The following DOCK3 variants were observed in gnomAD, a reference collection of about 807,000 sequenced individuals.
DOCK3 encodes dedicator of cytokinesis protein 3.
DOCK3 carries 60 observed loss-of-function variants against 265.6 expected under a neutral mutation model. That is an observed-to-expected ratio of 0.23 (90% CI 0.18 to 0.28). The LOEUF is 0.28. DOCK3 is among the 10% of genes least tolerant of loss of function. The pLI, the probability that DOCK3 is intolerant of heterozygous loss-of-function variation, is 1.00. For synonymous variants in DOCK3, 881 were observed against 938.0 expected (o/e 0.94, Z 1.11); for missense variants, 1,981 against 2,594.3 (o/e 0.76, Z 5.14).
chr3:51,028,784 A>G (rs1398851863), intron 5 of DOCK3, among the ~76,000 whole-genome samples: 1 of 152,052 alleles, frequency 6.6e-6, no homozygotes, highest in East Asian at 1.9e-4. Context: ...TTCTTTTTTT[A>G]ATATAGCTAT....
chr3:50,863,306 G>C (rs1342770331), intron 3 of DOCK3: 3 of 468,402 alleles, frequency 6.4e-6, no homozygotes, highest in Non-Finnish European at 1.3e-5. Context: ...GGCATGGTCT[G>C]TCTCAGTTCA....
In DOCK3 at chr3:51,168,979, GA is replaced by G. The variant is rs1295582654; in HGVS notation, c.1037+8284del. ...ACATACATGTGGCCAACAAGCATAT[GA>G]AAAAAAGCTAAACATCACTGATCAT... On this transcript the variant is annotated intron_variant, in intron 12 of 52. Coordinates refer to ENST00000266037, the MANE Select transcript of DOCK3 (RefSeq NM_004947.5). Among the ~76,000 whole-genome samples the G allele has an allele frequency of 7.3e-5, 11 of 151,378 alleles. No homozygotes were observed. The East Asian group carries it at 1.4e-3, about 19-fold the overall frequency.
chr3:51,034,202 A>C (rs1032228718), intron 5 of DOCK3, among the ~76,000 whole-genome samples: 5 of 152,124 alleles, frequency 3.3e-5, no homozygotes, highest in African/African-American at 4.8e-5. Context: ...TATAGGTGGC[A>C]TTTAAGTGCC....
rs1469498897 is a variant in DOCK3, at chr3:51,315,094, A to G, written c.3368A>G (p.Asp1123Gly). ...ATTCCCATCTTTCATGACATGATGG[A>G]CTGGGAGCAGAGAAAAAATGGCAAC... ...IMIPIFHDMM[D>G]WEQRKNGNFK... Residue 1123 changes from aspartate to glycine, a missense_variant, in exon 32 of 53, where the codon GAC (aspartate) becomes GGC (glycine). This residue lies in a region of DOCK3 where 1,357 missense variants were observed against 1,866.8 expected (regional missense o/e 0.73). Coordinates refer to ENST00000266037, the MANE Select transcript of DOCK3 (RefSeq NM_004947.5). The G allele has an allele frequency of 2.5e-6, 4 of 1,611,434 alleles. No individual in the cohort carries two copies. Among genetic ancestry groups the G allele is most frequent in the Non-Finnish European group, 3.4e-6 (4 of 1,178,412 alleles).
intron 5 of DOCK3, among the ~76,000 whole-genome samples, chr3:50,996,765 G>A (rs747461417): frequency 2.0e-5 from 3 of 152,084 alleles, no homozygotes; most frequent in Admixed American, 6.5e-5. Flanking sequence ...TACAACAGGA[G>A]CCATGAGCTT....
At chr3:51,125,511 C>A (rs2084226635) in intron 9 of DOCK3, among the ~76,000 whole-genome samples, 1 of 152,146 alleles carries the variant, frequency 6.6e-6, no homozygotes, top group Admixed American at 6.6e-5. Context: ...AAGTCTGTGA[C>A]AAGCTCTGTC....
intron 10 of DOCK3, among the ~76,000 whole-genome samples, chr3:51,154,289 A>G (rs181958828): frequency 3.9e-5 from 6 of 152,344 alleles, no homozygotes; most frequent in Admixed American, 6.5e-5. Flanking sequence ...TATGTTGTCC[A>G]TCTTTGAGCT....
chr3:51,131,193 C>T (rs1576183019), intron 9 of DOCK3, among the ~76,000 whole-genome samples: 1 of 152,224 alleles, frequency 6.6e-6, no homozygotes, highest in East Asian at 1.9e-4. Context: ...CAGGCTCAGT[C>T]AGATGACCCA....
At position 50,816,260 on chromosome 3, in the gene DOCK3, AT is replaced by A. The variant is rs910532867; in HGVS notation, c.122-25406del. On this transcript the variant is annotated intron_variant, in intron 2 of 52. Coordinates refer to ENST00000266037, the MANE Select transcript of DOCK3 (RefSeq NM_004947.5). ...GAAACTAATGTTTTTCCATTCTCAG[AT>A]TTTTTTTTCATTGTTTTTAGGATTA... is the stretch of plus-strand genomic sequence containing the variant. Among the ~76,000 whole-genome samples, 143 of 131,916 alleles carry A rather than the reference AT, an allele frequency of 1.1e-3. 1 individual carries two copies. The highest frequency in any genetic ancestry group is 2.0e-3 in the Non-Finnish European group (122 of 61,092). 86.5% of individuals were successfully genotyped at this position (131,916 alleles called of 152,430 possible). A position where few individuals can be genotyped will look rare whatever the true frequency, so the allele number is the denominator to read the frequency against.
intron 3 of DOCK3, among the ~76,000 whole-genome samples, chr3:50,851,910 C>G (rs868309394): frequency 2.0e-5 from 3 of 152,212 alleles, no homozygotes; most frequent in African/African-American, 7.2e-5. Context: ...GGATTAAAAA[C>G]GACATTCTGC....
At chr3:50,872,394 G>GTC (rs904483069) in intron 3 of DOCK3, among the ~76,000 whole-genome samples, 27 of 152,200 alleles carry the variant, frequency 1.8e-4, no homozygotes, top group Non-Finnish European at 2.9e-5. Context: ...CAAACAAGCA[G>GTC]TCTCTCTCTC....
chr3:50,882,874 C>A (rs999932581), intron 3 of DOCK3, among the ~76,000 whole-genome samples: 4 of 152,162 alleles, frequency 2.6e-5, no homozygotes, highest in African/African-American at 9.7e-5. Context: ...ACCCAAATGT[C>A]CATCAATGAT....
intron 49 of DOCK3, among the ~76,000 whole-genome samples, chr3:51,372,722 G>C (rs570828378): frequency 3.3e-5 from 5 of 152,284 alleles, no homozygotes; most frequent in Non-Finnish European, 5.9e-5. Context: ...TGTGTTTTCC[G>C]GTGCATACTG....
At chr3:51,147,405 A>C (rs1003217592) in intron 10 of DOCK3, among the ~76,000 whole-genome samples, 2 of 152,152 alleles carry the variant, frequency 1.3e-5, no homozygotes, top group Non-Finnish European at 2.9e-5. Context: ...GGTTTGTTAC[A>C]TAGGTATACA....
chr3:50,992,330 C>G (rs766965204), intron 5 of DOCK3, among the ~76,000 whole-genome samples: 1 of 152,172 alleles, frequency 6.6e-6, no homozygotes, highest in Non-Finnish European at 1.5e-5. Flanking sequence ...TGGAGTCTGT[C>G]TTTGTCACTC....
At chr3:50,734,296 C>T (rs954851959) in intron 1 of DOCK3, among the ~76,000 whole-genome samples, 1 of 152,106 alleles carries the variant, frequency 6.6e-6, no homozygotes, top group Non-Finnish European at 1.5e-5. Flanking sequence ...ATCACTTGAT[C>T]CCAGGAGTTC....
At chr3:50,954,991 A>AT (rs1033976259) in intron 5 of DOCK3, among the ~76,000 whole-genome samples, 1 of 151,904 alleles carries the variant, frequency 6.6e-6, no homozygotes, top group African/African-American at 2.4e-5. Context: ...TCTTGAGTTG[A>AT]TTTTTTTATA....
At chr3:51,134,956 A>G (rs1478406145) in intron 9 of DOCK3, among the ~76,000 whole-genome samples, 1 of 152,248 alleles carries the variant, frequency 6.6e-6, no homozygotes, top group African/African-American at 2.4e-5. Context: ...ATCAAGAGCA[A>G]TTAGGCAAGA....
chr3:50,986,005 A>C (rs2077888294), intron 5 of DOCK3, among the ~76,000 whole-genome samples: 1 of 151,938 alleles, frequency 6.6e-6, no homozygotes, highest in African/African-American at 2.4e-5. Flanking sequence ...CTTATTTTTT[A>C]TTAAATATCT....
Sources: allele counts gnomAD v4.1 joint callset (sites outside exome capture counted in the v4.1 genomes callset), GRCh38; gene constraint gnomAD v4.1.1; regional missense constraint gnomAD v4.1.1; transcripts MANE v1.5; gene names NCBI Gene and HGNC (gene_info 2026-07-23, HGNC 2026-07-21).